LRRC72: variants seen among roughly 807,000 people sequenced by gnomAD.
LRRC72 encodes the protein leucine rich repeat containing 72, also known as leucine-rich repeat-containing protein 72.
In LRRC72, 41 loss-of-function variants were observed where a neutral mutation model predicts 35.8. That is an observed-to-expected ratio of 1.15 (90% confidence interval 0.89 to 1.49). The LOEUF (loss-of-function observed/expected upper bound fraction) is 1.49. Ranked by LOEUF, LRRC72 falls within the 40% of genes most tolerant of loss-of-function variation. The pLI, the probability that LRRC72 is intolerant of heterozygous loss-of-function variation, is 0.00. For missense variants in LRRC72, 389 were observed against 330.7 expected, an observed-to-expected ratio of 1.18 and a Z score of -1.37; for synonymous variants, 118 against 119.2, an observed-to-expected ratio of 0.99 and a Z score of 0.07.
chr7:16,529,671 C>A (rs1309324018), intron 1 of LRRC72, among the ~76,000 whole-genome samples: 1 of 152,032 alleles, frequency 6.6e-6, no homozygotes, highest in African/African-American at 2.4e-5. Context: ...TGGATTCATG[C>A]AAAATTATTG....
Position 16,567,409 on chromosome 7 carries a change from G to C in LRRC72, c.536G>C (p.Arg179Thr), listed in dbSNP as rs1042304517. Residue 179 changes from arginine to threonine, a missense_variant, in exon 7 of 9, where the codon AGA becomes ACA. Physicochemically the swap from Arg to Thr is moderately conservative, Grantham distance 71. Coordinates refer to ENST00000401542, the MANE Select transcript of LRRC72 (RefSeq NM_001195280.2). ...TTATCAGAAGTTACAGAAAAAGAAA[G>C]AAGATCAATGATTACCATTTTTAAC... ...LDRNQVTEKERRSMITIFNHK... is the reference protein window; with the variant it reads ...LDRNQVTEKETRSMITIFNHK... 1 of 1,492,142 alleles carries C rather than the reference G, an allele frequency of 6.7e-7. No homozygotes were observed. The highest frequency in any genetic ancestry group is 2.5e-5 in the East Asian group (1 of 40,144). 92.4% of individuals were successfully genotyped at this position (1,492,142 alleles called of 1,614,324 possible).
intron 3 of LRRC72, among the ~76,000 whole-genome samples, chr7:16,554,764 A>G (rs1361878340): frequency 6.6e-6 from 1 of 152,158 alleles, no homozygotes; most frequent in Non-Finnish European, 1.5e-5. Context: ...TCATGGTCCA[A>G]GGATGTTAAT....
At position 16,581,431 on chromosome 7, in the gene LRRC72, G is replaced by T; in HGVS notation, c.806G>T (p.Arg269Met). 1.3e-6 allele frequency: 2 copies of T among 1,550,262 alleles called. No homozygotes were observed. Among genetic ancestry groups the T allele is most frequent in the South Asian group, 1.2e-5 (1 of 83,880 alleles). ...NWDTVPTREERYLEEEGTETA... is the reference protein window; with the variant it reads ...NWDTVPTREEMYLEEEGTETA... ...GACACAGTTCCAACACGAGAGGAAA[G>T]GTACCTTGAAGAGGAAGGCACAGAA... Residue 269 changes from arginine to methionine, a missense_variant, in exon 9 of 9, where the codon AGG becomes ATG. By Grantham distance (91) the Arg-to-Met change is moderately conservative. Coordinates refer to ENST00000401542, the MANE Select transcript of LRRC72 (RefSeq NM_001195280.2).
intron 3 of LRRC72, among the ~76,000 whole-genome samples, chr7:16,542,450 G>A (rs138231701): frequency 2.6e-5 from 4 of 152,320 alleles, no homozygotes; most frequent in East Asian, 1.9e-4. Flanking sequence ...TTAAGGACAT[G>A]TGCCCGTGAC....
At chr7:16,527,110 C>A in intron 1 of LRRC72, 68 bp downstream of exon 1, 1 of 1,249,354 alleles carries the variant, frequency 8.0e-7, no homozygotes, top group Non-Finnish European at 1.1e-6. Context: ...CCACCTCCTG[C>A]CTGAGGACTC....
At chr7:16,578,201 A>G (rs1783077150) in intron 7 of LRRC72, among the ~76,000 whole-genome samples, 1 of 152,216 alleles carries the variant, frequency 6.6e-6, no homozygotes, top group African/African-American at 2.4e-5. Flanking sequence ...TATAGAATTA[A>G]TCCATAATAT....
chr7:16,571,246 A>G (rs888494545), intron 7 of LRRC72, among the ~76,000 whole-genome samples: 1 of 152,108 alleles, frequency 6.6e-6, no homozygotes, highest in Non-Finnish European at 1.5e-5. Context: ...AGAGCATTCC[A>G]AGTTAACCTG....
intron 3 of LRRC72, among the ~76,000 whole-genome samples, chr7:16,546,568 TC>T (rs1187803508): frequency 1.3e-5 from 2 of 152,074 alleles, no homozygotes; most frequent in Non-Finnish European, 1.5e-5. Context: ...AACATGTCAC[TC>T]CTCTGCTCAA....
intron 3 of LRRC72, among the ~76,000 whole-genome samples, chr7:16,552,030 G>A (rs1415795007): frequency 1.3e-5 from 2 of 152,198 alleles, no homozygotes; most frequent in African/African-American, 4.8e-5. Context: ...CACAGTTGGT[G>A]TCTGCTGCAT....
intron 7 of LRRC72, among the ~76,000 whole-genome samples, chr7:16,574,977 T>C (rs1490851157): frequency 2.0e-5 from 3 of 152,002 alleles, no homozygotes; most frequent in African/African-American, 7.2e-5. Flanking sequence ...TAGCCAGGCA[T>C]GATGGCGGGC....
Position 16,581,344 on chromosome 7 carries a change from A to G in LRRC72, c.719A>G (p.Glu240Gly), listed in dbSNP as rs1217993884. Residue 240 changes from glutamate (E) to glycine (G), a missense_variant, in exon 9 of 9, where the codon GAA becomes GGA. Coordinates refer to ENST00000401542, the MANE Select transcript of LRRC72 (RefSeq NM_001195280.2). The stretch of plus-strand genomic sequence containing the variant: ...TGCAGAACTGTGCTTGATGACCCAG[A>G]AGATGCTGTTTTTGTGAGGTCCATG... ...NVDKTVLDDP[E>G]DAVFVRSMKR... The G allele has an allele frequency of 1.3e-6, 2 of 1,527,982 alleles. No homozygotes were observed. The highest frequency in any genetic ancestry group is 1.4e-5 in the African/African-American group (1 of 72,612). 94.7% of individuals were successfully genotyped at this position (1,527,982 alleles called of 1,614,324 possible).
At chr7:16,538,671 T>A (rs1782305389) in intron 3 of LRRC72, among the ~76,000 whole-genome samples, 1 of 152,230 alleles carries the variant, frequency 6.6e-6, no homozygotes, top group Non-Finnish European at 1.5e-5. Flanking sequence ...AATTGTAATT[T>A]CCACATGTTG....
Position 16,558,888 on chromosome 7 carries a change from G to A in LRRC72, c.317-1G>A. ...TTGTAAAAATATTCTGTTTTTTTTAGGTCTGCATTATTTGCCTTCATTGCA... is the reference window on the plus strand; with the variant it reads ...TTGTAAAAATATTCTGTTTTTTTTAAGTCTGCATTATTTGCCTTCATTGCA... On this transcript the variant is annotated splice_acceptor_variant, in intron 4 of 8. Coordinates refer to ENST00000401542, the MANE Select transcript of LRRC72 (RefSeq NM_001195280.2). LOFTEE classifies it high-confidence loss of function. The A allele has an allele frequency of 1.4e-6, 2 of 1,410,686 alleles. No individual in the cohort carries two copies. Among genetic ancestry groups the A allele is most frequent in the South Asian group, 1.7e-5 (1 of 59,126 alleles). 87.4% of individuals were successfully genotyped at this position (1,410,686 alleles called of 1,614,324 possible). A position where few individuals can be genotyped will look rare whatever the true frequency, so the allele number is the denominator to read the frequency against.
chr7:16,569,985 A>G (rs1392354157), intron 7 of LRRC72, among the ~76,000 whole-genome samples: 1 of 151,618 alleles, frequency 6.6e-6, no homozygotes, highest in East Asian at 1.9e-4. Context: ...AGCCGAGATC[A>G]CGCCATTGCA....
intron 5 of LRRC72, among the ~76,000 whole-genome samples, chr7:16,562,226 C>A (rs998960708): frequency 6.6e-6 from 1 of 152,126 alleles, no homozygotes; most frequent in Admixed American, 6.6e-5. Flanking sequence ...TCCACACCCT[C>A]TCTTTCTAGC....
chr7:16,567,370 A>G, intron 6 of LRRC72, 21 bp from the exon 7 acceptor site: 1 of 1,415,892 alleles, frequency 7.1e-7, no homozygotes, highest in East Asian at 2.6e-5. Flanking sequence ...ATGCAATAAC[A>G]TTACTTTTTG....
At chr7:16,561,277 T>C (rs573491765) in intron 5 of LRRC72, among the ~76,000 whole-genome samples, 23 of 152,336 alleles carry the variant, frequency 1.5e-4, no homozygotes, top group African/African-American at 5.3e-4. Context: ...AATGATTTAA[T>C]TTGCTACTTT....
chr7:16,564,466 C>G (rs1430801909), intron 5 of LRRC72, among the ~76,000 whole-genome samples: 7 of 151,964 alleles, frequency 4.6e-5, no homozygotes, highest in African/African-American at 7.3e-5. Context: ...AAATCCTTCT[C>G]TTTCAAGAAT....
chr7:16,562,293 T>C (rs80253175), intron 5 of LRRC72, among the ~76,000 whole-genome samples: 12,319 of 152,166 alleles, frequency 0.081, 558 homozygotes, highest in East Asian at 0.14. Context: ...AATCCACATG[T>C]GTCAAAGACC....
Sources: gnomAD v4.1 joint callset for allele counts (sites outside exome capture counted in the v4.1 genomes callset) on GRCh38, gnomAD v4.1.1 for gene constraint, MANE v1.5 for transcripts, NCBI Gene and HGNC (gene_info 2026-07-23, HGNC 2026-07-21) for gene names.